The following SGCZ variants were observed in gnomAD, a reference collection of about 807,000 sequenced individuals.
SGCZ encodes the protein zeta-sarcoglycan.
In SGCZ, 40 loss-of-function variants were observed where a neutral mutation model predicts 41.3. The ratio of observed to expected loss-of-function variants is 0.97; its 90% CI spans 0.75 to 1.26. The LOEUF is 1.26. SGCZ is among the 50% of genes most tolerant of loss of function. SGCZ has a pLI of 0.00. For synonymous variants in SGCZ, 206 were observed against 137.5 expected, an observed-to-expected ratio of 1.50 and a Z score of -3.49; for missense variants, 552 against 369.8, an observed-to-expected ratio of 1.49 and a Z score of -4.04.
intron 1 of SGCZ, among the ~76,000 whole-genome samples, chr8:14,692,635 T>A (rs1426207835): frequency 6.6e-6 from 1 of 152,148 alleles, no homozygotes; most frequent in Non-Finnish European, 1.5e-5. Context: ...TGCTTTGCTA[T>A]CTAATACAGA....
At chr8:14,336,254 AT>A (rs965176153) in intron 2 of SGCZ, among the ~76,000 whole-genome samples, 1 of 151,914 alleles carries the variant, frequency 6.6e-6, no homozygotes, top group African/African-American at 2.4e-5. Flanking sequence ...TATCATTCTT[AT>A]TTTTTCTTGG....
intron 1 of SGCZ, among the ~76,000 whole-genome samples, chr8:14,990,276 C>T (rs1390611529): frequency 1.3e-5 from 2 of 152,010 alleles, no homozygotes; most frequent in Non-Finnish European, 2.9e-5. Flanking sequence ...AAGAAAATAC[C>T]CTGCATATAC....
intron 2 of SGCZ, among the ~76,000 whole-genome samples, chr8:14,354,286 G>T (rs1469865577): frequency 6.6e-6 from 1 of 151,608 alleles, no homozygotes; most frequent in Non-Finnish European, 1.5e-5. Context: ...ATTTTTACTA[G>T]AAATAATCTG....
intron 1 of SGCZ, among the ~76,000 whole-genome samples, chr8:14,602,258 C>G (rs1563145131): frequency 6.6e-6 from 1 of 152,068 alleles, no homozygotes; most frequent in Non-Finnish European, 1.5e-5. Flanking sequence ...TCAATTTTAA[C>G]CAACATTTAC....
intron 4 of SGCZ, 128 bp downstream of exon 4, chr8:14,237,464 C>T (rs1390113010): frequency 1.2e-6 from 1 of 857,456 alleles, no homozygotes; most frequent in Non-Finnish European, 1.8e-6. Context: ...AGCCTGGTGA[C>T]AGAGTGAGAC....
chr8:14,852,039 A>T (rs779254899), intron 1 of SGCZ, among the ~76,000 whole-genome samples: 1 of 152,144 alleles, frequency 6.6e-6, no homozygotes, highest in African/African-American at 2.4e-5. Context: ...TTGTCCCCTC[A>T]GGTTAAAGAT....
intron 1 of SGCZ, among the ~76,000 whole-genome samples, chr8:15,031,893 C>T (rs1368995684): frequency 1.5e-5 from 2 of 132,750 alleles, no homozygotes; most frequent in African/African-American, 2.8e-5. Context: ...ATTCTATACC[C>T]TCTATATTCC....
chr8:14,326,695 C>G (rs1317009870), intron 2 of SGCZ, among the ~76,000 whole-genome samples: 4 of 152,152 alleles, frequency 2.6e-5, no homozygotes, highest in Admixed American at 2.0e-4. Flanking sequence ...AAGAGTTATT[C>G]AGATGAGAAA....
chr8:14,602,697 A>T (rs1304193046), intron 1 of SGCZ, among the ~76,000 whole-genome samples: 1 of 152,108 alleles, frequency 6.6e-6, no homozygotes, highest in African/African-American at 2.4e-5. Context: ...CTTCTCTGGC[A>T]GCATTTTATA....
intron 1 of SGCZ, among the ~76,000 whole-genome samples, chr8:14,574,884 C>A (rs1804661165): frequency 6.6e-6 from 1 of 152,014 alleles, no homozygotes; most frequent in Non-Finnish European, 1.5e-5. Context: ...AACTGAGCAA[C>A]ACTGAAAAAA....
chr8:14,218,511 A>C (rs1476958432), intron 4 of SGCZ, among the ~76,000 whole-genome samples: 1 of 152,236 alleles, frequency 6.6e-6, no homozygotes, highest in Non-Finnish European at 1.5e-5. Flanking sequence ...AAAATTGCTT[A>C]ATATCAGGTT....
intron 1 of SGCZ, among the ~76,000 whole-genome samples, chr8:15,184,734 T>G (rs1292790173): frequency 6.6e-6 from 1 of 152,192 alleles, no homozygotes; most frequent in African/African-American, 2.4e-5. Context: ...ATTTTAAATA[T>G]AACCTATAAT....
At chr8:15,220,058 TA>T (rs1371642591) in intron 1 of SGCZ, among the ~76,000 whole-genome samples, 8 of 152,140 alleles carry the variant, frequency 5.3e-5, no homozygotes, top group Non-Finnish European at 1.0e-4. Flanking sequence ...TACATATAAC[TA>T]ACAGATATGG....
At chr8:14,109,259 T>C (rs1448614207) in intron 5 of SGCZ, among the ~76,000 whole-genome samples, 1 of 152,220 alleles carries the variant, frequency 6.6e-6, no homozygotes, top group Non-Finnish European at 1.5e-5. Flanking sequence ...GGATACTCTA[T>C]CTCAACTTTC....
In SGCZ at chr8:15,183,969, T is replaced by C. The variant is rs115635426; in HGVS notation, c.39+53616A>G. On this transcript the variant is annotated intron_variant, in intron 1 of 7. Transcript: ENST00000382080. The stretch of plus-strand genomic sequence containing the variant: ...GTAAAGCAAAGAGAAGGAAGAATTA[T>C]TGTAAGAAAGAATGATGTACAAACT... 7.7e-3 allele frequency among the ~76,000 whole-genome samples: 1,168 copies of C among 152,286 alleles called. 13 individuals are homozygous for C. The highest frequency in any genetic ancestry group is 0.025 in the African/African-American group (1,028 of 41,562).
chr8:14,228,480 T>G (rs1292637763), intron 4 of SGCZ, among the ~76,000 whole-genome samples: 1 of 152,104 alleles, frequency 6.6e-6, no homozygotes, highest in Non-Finnish European at 1.5e-5. Context: ...ATTCAAACAC[T>G]AGAGATATAC....
At chr8:15,059,351 T>G (rs1421649957) in intron 1 of SGCZ, among the ~76,000 whole-genome samples, 1 of 152,192 alleles carries the variant, frequency 6.6e-6, no homozygotes, top group Non-Finnish European at 1.5e-5. Flanking sequence ...TGAACTCAAG[T>G]TGGCACTTGT....
intron 1 of SGCZ, among the ~76,000 whole-genome samples, chr8:15,040,464 A>G (rs963259275): frequency 1.3e-5 from 2 of 152,116 alleles, no homozygotes; most frequent in African/African-American, 2.4e-5. Context: ...AAATACAAAA[A>G]AAATTAGCCG....
chr8:15,140,797 TATTTCAAAATCCATTC>T (rs1808292045), intron 1 of SGCZ, among the ~76,000 whole-genome samples: 1 of 152,312 alleles, frequency 6.6e-6, no homozygotes, highest in South Asian at 2.1e-4. Flanking sequence ...ATTCCATCCT[TATTTCAAAATCCATTC>T]ATTTCTATCT....
Sources: gnomAD v4.1 joint callset for allele counts (sites outside exome capture counted in the v4.1 genomes callset) on GRCh38, gnomAD v4.1.1 for gene constraint, MANE v1.5 for transcripts, NCBI Gene and HGNC (gene_info 2026-07-23, HGNC 2026-07-21) for gene names.